The following KMT2E variants were observed in gnomAD, a reference collection of about 807,000 sequenced individuals.
KMT2E encodes histone reader KMT2E.
A neutral mutation model predicts 184.6 loss-of-function variants in KMT2E; 30 were observed. The observed-to-expected ratio is 0.16, with a 90% CI of 0.12 to 0.22. The LOEUF (loss-of-function observed/expected upper bound fraction) is 0.22, where lower values mean the gene tolerates loss of function less well. Ranked by LOEUF, KMT2E falls within the 10% of genes least tolerant of loss-of-function variation. KMT2E has a pLI of 1.00. For synonymous variants in KMT2E, 815 were observed against 776.5 expected (o/e 1.05, Z -0.82); for missense variants, 2,023 against 2,237.4 (o/e 0.90, Z 1.93).
At chr7:105,082,483 G>A (rs754942669) in intron 13 of KMT2E, among the ~76,000 whole-genome samples, 1 of 152,132 alleles carries the variant, frequency 6.6e-6, no homozygotes, top group Non-Finnish European at 1.5e-5. Flanking sequence ...AAAAGAAAAT[G>A]TTTTTAAGAA....
chr7:105,110,394 A>G, intron 24 of KMT2E, 26 bp downstream of exon 24: 1 of 1,613,932 alleles, frequency 6.2e-7, no homozygotes, highest in Non-Finnish European at 8.5e-7. Context: ...CCTTCACCAG[A>G]AAGTGGAATC....
At chr7:105,082,713 C>T (rs1285014275) in intron 13 of KMT2E, among the ~76,000 whole-genome samples, 2 of 152,048 alleles carry the variant, frequency 1.3e-5, no homozygotes, top group Admixed American at 6.6e-5. Context: ...GTAATTTCTG[C>T]CTGGCTTTTT....
chr7:105,031,517 C>T (rs1301778041), intron 1 of KMT2E, among the ~76,000 whole-genome samples: 1 of 151,860 alleles, frequency 6.6e-6, no homozygotes, highest in Non-Finnish European at 1.5e-5. Flanking sequence ...TTTGGGAGGC[C>T]AAGGTGGGCA....
At chr7:105,106,408 G>A (rs1798899726) in intron 19 of KMT2E, 114 bp from the exon 20 acceptor site, 11 of 999,298 alleles carry the variant, frequency 1.1e-5, no homozygotes, top group Middle Eastern at 4.3e-4. Flanking sequence ...TCAGTTTTGG[G>A]GTAAAAGTCA....
Position 105,105,472 on chromosome 7 carries a change from G to C in KMT2E, c.2230G>C (p.Glu744Gln). The change falls in exon 18 of 27, where the codon GAG becomes CAG. Residue 744 changes from glutamate (E) to glutamine (Q), a missense_variant. Coordinates refer to ENST00000311117, the MANE Select transcript of KMT2E (RefSeq NM_182931.3). ...TAATGAATGGTTAAGTGAGAAGAAT[G>C]AGAAGACAGGAAAACCTTCAGATGG... ...LVNEWLSEKNEKTGKPSDGLS... is the reference protein window; with the variant it reads ...LVNEWLSEKNQKTGKPSDGLS... 5 of 1,607,344 alleles carry C rather than the reference G, an allele frequency of 3.1e-6. No homozygotes were observed. Among genetic ancestry groups the C allele is most frequent in the Non-Finnish European group, 4.2e-6 (5 of 1,178,166 alleles).
intron 3 of KMT2E, among the ~76,000 whole-genome samples, chr7:105,057,146 TAAG>T (rs1796597058): frequency 6.6e-6 from 1 of 152,104 alleles, no homozygotes; most frequent in African/African-American, 2.4e-5. Context: ...GTGTTGAAAT[TAAG>T]GAGTAAGGGT....
chr7:105,068,697 A>G (rs140079670), intron 6 of KMT2E, among the ~76,000 whole-genome samples: 15 of 141,800 alleles, frequency 1.1e-4, no homozygotes, highest in Non-Finnish European at 2.1e-4. Context: ...CTGGTCTAGA[A>G]CTCTTGGGCT....
intron 3 of KMT2E, among the ~76,000 whole-genome samples, chr7:105,050,753 A>G (rs1248398629): frequency 7.2e-6 from 1 of 138,840 alleles, no homozygotes; most frequent in Non-Finnish European, 1.5e-5. Context: ...TTCTTTCGAC[A>G]GACTCTTGCT....
At chr7:105,110,920 G>A in intron 26 of KMT2E, 52 bp downstream of exon 26, 1 of 1,257,982 alleles carries the variant, frequency 7.9e-7, no homozygotes, top group Non-Finnish European at 1.2e-6. Flanking sequence ...GTTGAGTGCA[G>A]AAAAGCTGAT....
intron 16 of KMT2E, 37 bp downstream of exon 16, chr7:105,101,626 C>T (rs1474147766): frequency 6.9e-7 from 1 of 1,444,370 alleles, no homozygotes; most frequent in South Asian, 1.5e-5. Context: ...TTCTTAAACA[C>T]TTTAAAATAA....
In KMT2E at chr7:105,105,935, C is replaced by A; in HGVS notation, c.2528C>A (p.Ser843Tyr). 1 of 1,613,590 alleles carries A rather than the reference C, an allele frequency of 6.2e-7. No individual in the cohort carries two copies. Among genetic ancestry groups the A allele is most frequent in the Non-Finnish European group, 8.5e-7 (1 of 1,179,674 alleles). The change falls in exon 19 of 27, where the codon TCC becomes TAC. Residue 843 changes from serine to tyrosine, a missense_variant. This residue lies in a region of KMT2E where 514 missense variants were observed against 621.8 expected (regional missense o/e 0.83). Transcript: ENST00000311117. Reference sequence around the variant, plus strand: ...TTTAATTCACCCTGTCAAGAAAGATCCAGAAGTCCTGCAGTCAATGGTGAA... The same window carrying A: ...TTTAATTCACCCTGTCAAGAAAGATACAGAAGTCCTGCAGTCAATGGTGAA... ...HRFNSPCQERSRSPAVNGENK... is the reference protein window; with the variant it reads ...HRFNSPCQERYRSPAVNGENK...
intron 22 of KMT2E, among the ~76,000 whole-genome samples, chr7:105,108,250 A>G (rs936589170): frequency 6.6e-6 from 1 of 152,058 alleles, no homozygotes; most frequent in African/African-American, 2.4e-5. Context: ...TATTTGTGTT[A>G]TTACCTTTAT....
In KMT2E at chr7:105,079,634, C is replaced by T. The variant is rs548131162; in HGVS notation, c.1248+671C>T. Among the ~76,000 whole-genome samples the T allele has an allele frequency of 9.7e-5, 14 of 144,070 alleles. No individual in the cohort carries two copies. In the East Asian group the frequency reaches 2.2e-3, roughly 23 times the overall value. The allele number at this position is 144,070 out of a possible 152,430, so 94.5% of individuals were successfully genotyped here. On this transcript the variant is annotated intron_variant, in intron 12 of 26. Transcript: ENST00000311117. The stretch of plus-strand genomic sequence containing the variant: ...TGACCTCTCATGCTCAAGTGATCCT[C>T]CTGTCTCAGCTTTCTGAGTAGGTGG...
At chr7:105,065,105 GACTCTA>G (rs1310565691) in intron 5 of KMT2E, among the ~76,000 whole-genome samples, 1 of 152,036 alleles carries the variant, frequency 6.6e-6, no homozygotes, top group Non-Finnish European at 1.5e-5. Context: ...TTTTTGTTAT[GACTCTA>G]ATATTTGTTA....
intron 13 of KMT2E, among the ~76,000 whole-genome samples, chr7:105,084,511 C>G (rs1265775970): frequency 6.6e-6 from 1 of 152,100 alleles, no homozygotes; most frequent in African/African-American, 2.4e-5. Flanking sequence ...CCTGTAATCC[C>G]AGCTACTCGG....
In KMT2E at chr7:105,090,127, A is replaced by G; in HGVS notation, c.1477A>G (p.Lys493Glu). The G allele has an allele frequency of 6.2e-7, 1 of 1,613,602 alleles. No individual in the cohort carries two copies. The highest frequency in any genetic ancestry group is 8.5e-7 in the Non-Finnish European group (1 of 1,179,742). The change falls in exon 14 of 27, where the codon AAA becomes GAA. Residue 493 changes from lysine (K) to glutamate (E), a missense_variant. Physicochemically the swap from Lys to Glu is moderately conservative, Grantham distance 56. This residue lies in a region of KMT2E where 514 missense variants were observed against 621.8 expected (regional missense o/e 0.83). Transcript: ENST00000311117. ...TTATGAGACCAGACGGAAAAAAGGA[A>G]AAAAAGACAAAGATATTTCAAAAGA... ...SGYETRRKKG[K>E]KDKDISKEKD...
intron 3 of KMT2E, among the ~76,000 whole-genome samples, chr7:105,059,978 G>GGT (rs1796733911): frequency 1.9e-5 from 1 of 51,764 alleles, no homozygotes; most frequent in Non-Finnish European, 4.0e-5. Context: ...TCTTGTTGTT[G>GGT]TTTTTTTTTT....
At chr7:105,082,882 T>G (rs762250864) in intron 13 of KMT2E, among the ~76,000 whole-genome samples, 1 of 152,186 alleles carries the variant, frequency 6.6e-6, no homozygotes, top group Non-Finnish European at 1.5e-5. Flanking sequence ...CTAATGTAAA[T>G]TTGTTTTTTG....
chr7:105,068,260 CTTTTT>C (rs949374428), intron 6 of KMT2E, among the ~76,000 whole-genome samples: 3 of 144,110 alleles, frequency 2.1e-5, no homozygotes, highest in African/African-American at 7.7e-5. Flanking sequence ...GGTTCAATTT[CTTTTT>C]TTTTTTAATA....
Sources: gnomAD v4.1 joint callset for allele counts (sites outside exome capture counted in the v4.1 genomes callset) on GRCh38, gnomAD v4.1.1 for gene constraint, gnomAD v4.1.1 regional missense constraint, MANE v1.5 for transcripts, NCBI Gene and HGNC (gene_info 2026-07-23, HGNC 2026-07-21) for gene names.